NCKAP5: variants seen among roughly 807,000 people sequenced by gnomAD.
NCKAP5 encodes the protein NCK associated protein 5.
NCKAP5 carries 92 observed loss-of-function variants against 167.0 expected under a neutral mutation model. That is an observed-to-expected ratio of 0.55 (90% CI 0.47 to 0.66). NCKAP5 has a LOEUF of 0.66. Among genes scored for constraint, NCKAP5 ranks in the 30% least tolerant of loss-of-function variants. NCKAP5 has a pLI of 0.00. For missense variants in NCKAP5, 2,378 were observed against 2,315.0 expected, an observed-to-expected ratio of 1.03 and a Z score of -0.56; for synonymous variants, 891 against 877.4, an observed-to-expected ratio of 1.02 and a Z score of -0.27.
chr2:133,353,800 G>A (rs1344171956), intron 3 of NCKAP5, among the ~76,000 whole-genome samples: 2 of 152,114 alleles, frequency 1.3e-5, no homozygotes, highest in African/African-American at 4.8e-5. Flanking sequence ...AAACTCCTGG[G>A]GAAGATCATC....
chr2:133,043,717 C>T (rs182627448), intron 6 of NCKAP5, among the ~76,000 whole-genome samples: 2 of 152,284 alleles, frequency 1.3e-5, no homozygotes, highest in East Asian at 3.9e-4. Context: ...GGATGCCTAG[C>T]TCAGACTAAG....
At chr2:133,613,929 G>A in the NCKAP5 span, among the ~76,000 whole-genome samples, 18 of 152,158 alleles carry the variant, frequency 1.2e-4, no homozygotes, top group African/African-American at 4.3e-4. Flanking sequence ...TCCTATATGA[G>A]TCGTTGGAGA....
At chr2:133,609,399 T>A in the NCKAP5 span, among the ~76,000 whole-genome samples, 11 of 152,200 alleles carry the variant, frequency 7.2e-5, 1 homozygote, top group Non-Finnish European at 1.6e-4. Context: ...GTCACATGAG[T>A]TTAATTGCAC....
At position 132,691,824 on chromosome 2, in the gene NCKAP5, G is replaced by A. The variant is rs561316348; in HGVS notation, c.5714-18519C>T. 1.2e-4 allele frequency among the ~76,000 whole-genome samples: 18 copies of A among 152,040 alleles called. No individual in the cohort carries two copies. In the South Asian group the frequency reaches 2.5e-3, roughly 21 times the overall value. Reference sequence around the variant, plus strand: ...CCCACCCTGCAATAAACTTCTCCCCGCCACAGAAATATTCCAAGCCCGTGA... The same window carrying A: ...CCCACCCTGCAATAAACTTCTCCCCACCACAGAAATATTCCAAGCCCGTGA... On this transcript the variant is annotated intron_variant, in intron 19 of 19. Transcript: ENST00000409261.
chr2:133,214,089 T>G (rs1250016451), intron 4 of NCKAP5, among the ~76,000 whole-genome samples: 1 of 152,248 alleles, frequency 6.6e-6, no homozygotes, highest in African/African-American at 2.4e-5. Flanking sequence ...GTATTTTAGT[T>G]GACTTTTCTC....
At chr2:133,513,568 T>C (rs1207024593) in intron 3 of NCKAP5, among the ~76,000 whole-genome samples, 1 of 152,218 alleles carries the variant, frequency 6.6e-6, no homozygotes, top group Non-Finnish European at 1.5e-5. Flanking sequence ...ATAGTGCTTG[T>C]TGACTGATTG....
intron 5 of NCKAP5, among the ~76,000 whole-genome samples, chr2:133,142,456 C>A (rs1267704855): frequency 6.6e-6 from 1 of 152,128 alleles, no homozygotes; most frequent in East Asian, 1.9e-4. Context: ...CTTTTGCATG[C>A]ACTTTATGTG....
intron 3 of NCKAP5, among the ~76,000 whole-genome samples, chr2:133,484,314 T>C (rs2151324784): frequency 6.6e-6 from 1 of 152,222 alleles, no homozygotes; most frequent in East Asian, 1.9e-4. Flanking sequence ...GTGGTTATGA[T>C]TTGCTTCTAG....
At position 132,790,081 on chromosome 2, in the gene NCKAP5, C is replaced by T. The variant is rs761336536; in HGVS notation, c.1034G>A (p.Ser345Asn). The change falls in exon 13 of 20, where the codon AGC becomes AAC. Residue 345 changes from serine to asparagine, a missense_variant. This residue lies in a region of NCKAP5 where 1,049 missense variants were observed against 1,023.4 expected (regional missense o/e 1.02). Coordinates refer to ENST00000409261, the MANE Select transcript of NCKAP5 (RefSeq NM_207363.3). ...GTAGGAGGAGCCACTGGAGTACTCG[C>T]TGCAGGTGCTTGAAAGAGACAGTTC... Reference protein sequence around the residue: ...SSELSLSSTCSEYSSGSSYTW... With the variant: ...SSELSLSSTCNEYSSGSSYTW... The T allele has an allele frequency of 5.0e-6, 8 of 1,613,180 alleles. No individual in the cohort carries two copies. Among genetic ancestry groups the T allele is most frequent in the Non-Finnish European group, 6.8e-6 (8 of 1,179,606 alleles).
At chr2:133,392,886 T>C (rs868206964) in intron 3 of NCKAP5, among the ~76,000 whole-genome samples, 1 of 152,176 alleles carries the variant, frequency 6.6e-6, no homozygotes, top group Admixed American at 6.5e-5. Flanking sequence ...TGAATCATAA[T>C]ACTGATGTAC....
chr2:133,468,844 T>C (rs1216335168), intron 3 of NCKAP5, among the ~76,000 whole-genome samples: 3 of 152,208 alleles, frequency 2.0e-5, no homozygotes, highest in East Asian at 1.9e-4. Context: ...CCTGCCTTTT[T>C]TTGTTTTCCA....
At chr2:132,948,730 GC>G (rs1254888118) in intron 8 of NCKAP5, among the ~76,000 whole-genome samples, 1 of 152,104 alleles carries the variant, frequency 6.6e-6, no homozygotes, top group Non-Finnish European at 1.5e-5. Context: ...CCTCGTGGAA[GC>G]CCCGGCTTCT....
chr2:133,207,342 C>T (rs894388443), intron 5 of NCKAP5, among the ~76,000 whole-genome samples: 26 of 151,990 alleles, frequency 1.7e-4, no homozygotes, highest in African/African-American at 5.1e-4. Flanking sequence ...CTGGTTTCCC[C>T]GATATATGTG....
In NCKAP5 at chr2:133,249,438, A is replaced by G. The variant is rs146474440; in HGVS notation, c.144-35659T>C. 5.8e-4 allele frequency among the ~76,000 whole-genome samples: 88 copies of G among 152,306 alleles called. 1 individual carries two copies. In the East Asian group the frequency reaches 0.015, roughly 26 times the overall value. On this transcript the variant is annotated intron_variant, in intron 4 of 19. Transcript: ENST00000409261. ...CCAAAATGAATGGAACCCTGCCAAC[A>G]GCTTGATTTTAGCACTTTTGACCCC... is the stretch of plus-strand genomic sequence containing the variant.
intron 5 of NCKAP5, among the ~76,000 whole-genome samples, chr2:133,199,847 A>T (rs947295213): frequency 6.6e-6 from 1 of 152,014 alleles, no homozygotes; most frequent in Non-Finnish European, 1.5e-5. Flanking sequence ...TTATACAATG[A>T]ACTACTAATC....
chr2:133,501,996 T>C (rs1399885407), intron 3 of NCKAP5, among the ~76,000 whole-genome samples: 1 of 152,240 alleles, frequency 6.6e-6, no homozygotes, highest in African/African-American at 2.4e-5. Context: ...ACATGTAGTC[T>C]TTGCTTTATA....
At chr2:133,401,826 C>A (rs1688120428) in intron 3 of NCKAP5, among the ~76,000 whole-genome samples, 1 of 152,146 alleles carries the variant, frequency 6.6e-6, no homozygotes, top group Non-Finnish European at 1.5e-5. Context: ...GCTTCCATTG[C>A]CCATGGAGTC....
At chr2:132,786,693 T>C (rs1458004235) in intron 13 of NCKAP5, among the ~76,000 whole-genome samples, 1 of 152,136 alleles carries the variant, frequency 6.6e-6, no homozygotes, top group Non-Finnish European at 1.5e-5. Context: ...GAGCCTCTGC[T>C]GTACACCAGC....
intron 15 of NCKAP5, among the ~76,000 whole-genome samples, chr2:132,777,799 C>T (rs985740234): frequency 4.6e-5 from 7 of 151,930 alleles, no homozygotes; most frequent in Admixed American, 1.3e-4. Flanking sequence ...ATTTTATCAC[C>T]GTGGTACCAT....
Sources: allele counts gnomAD v4.1 joint callset (sites outside exome capture counted in the v4.1 genomes callset), GRCh38; gene constraint gnomAD v4.1.1; regional missense constraint gnomAD v4.1.1; transcripts MANE v1.5; gene names NCBI Gene and HGNC (gene_info 2026-07-23, HGNC 2026-07-21).